The following CFAP299 variants were observed in gnomAD, a reference collection of about 807,000 sequenced individuals.
CFAP299 encodes the protein cilia and flagella associated protein 299, also known as cilia- and flagella-associated protein 299.
In CFAP299, 21 loss-of-function variants were observed where a neutral mutation model predicts 27.0. The observed-to-expected ratio is 0.78, with a 90% confidence interval of 0.55 to 1.12. The LOEUF (loss-of-function observed/expected upper bound fraction) is 1.12, where lower values mean the gene tolerates loss of function less well. Ranked by LOEUF, CFAP299 falls within the 50% of genes most tolerant of loss-of-function variation. The probability of loss-of-function intolerance (pLI) is 0.00; values close to 1 mark genes in which losing one functional copy is unlikely to be tolerated. For synonymous variants in CFAP299, 104 were observed against 98.1 expected, an observed-to-expected ratio of 1.06 and a Z score of -0.36; for missense variants, 310 against 276.6, an observed-to-expected ratio of 1.12 and a Z score of -0.86.
At chr4:80,511,021 A>G (rs188694899) in intron 2 of CFAP299, among the ~76,000 whole-genome samples, 1 of 152,292 alleles carries the variant, frequency 6.6e-6, no homozygotes, top group African/African-American at 2.4e-5. Context: ...ATTCAGATCC[A>G]ATAGGAGTTT....
intron 1 of CFAP299, among the ~76,000 whole-genome samples, chr4:80,347,296 A>G (rs536110198): frequency 1.3e-5 from 2 of 152,288 alleles, no homozygotes; most frequent in South Asian, 2.1e-4. Flanking sequence ...CCTGGCCAGA[A>G]CTTCTAACAC....
At chr4:80,826,062 ATGT>A (rs1223828458) in intron 3 of CFAP299, among the ~76,000 whole-genome samples, 2 of 151,894 alleles carry the variant, frequency 1.3e-5, no homozygotes, top group Non-Finnish European at 2.9e-5. Flanking sequence ...TAAAGGTGTA[ATGT>A]TGTGATAACG....
At chr4:80,912,880 T>C (rs1181453792) in intron 4 of CFAP299, among the ~76,000 whole-genome samples, 2 of 152,058 alleles carry the variant, frequency 1.3e-5, no homozygotes, top group African/African-American at 2.4e-5. Context: ...CCTAGAGTCT[T>C]GTTGTGGACC....
rs75419834 is a variant in CFAP299 at position 80,936,150 on chromosome 4, T to A, written c.477-8660T>A. On this transcript the variant is annotated intron_variant, in intron 4 of 5. Coordinates refer to ENST00000358105, the MANE Select transcript of CFAP299 (RefSeq NM_152770.3). Reference sequence around the variant, plus strand: ...TGCATCAACCTATCAAAGATGATGATGAGCTTGTGGAGAAATGGGAATGCA... The same window carrying A: ...TGCATCAACCTATCAAAGATGATGAAGAGCTTGTGGAGAAATGGGAATGCA... 6.1e-3 allele frequency among the ~76,000 whole-genome samples: 928 copies of A among 152,096 alleles called. 11 individuals are homozygous for A. Among genetic ancestry groups the A allele is most frequent in the African/African-American group, 0.021 (880 of 41,518 alleles).
chr4:80,367,899 T>G (rs1305121814), intron 2 of CFAP299, among the ~76,000 whole-genome samples: 2 of 152,222 alleles, frequency 1.3e-5, no homozygotes. Context: ...GGTGGAGAGA[T>G]GGAACTTCAA....
chr4:80,587,082 A>C (rs1736484983), intron 3 of CFAP299, among the ~76,000 whole-genome samples: 2 of 152,216 alleles, frequency 1.3e-5, no homozygotes, highest in Non-Finnish European at 2.9e-5. Context: ...CATTGTGCTG[A>C]CATGATCTTT....
chr4:80,752,762 C>T (rs1048548451), intron 3 of CFAP299, among the ~76,000 whole-genome samples: 3 of 151,666 alleles, frequency 2.0e-5, no homozygotes, highest in Non-Finnish European at 4.4e-5. Context: ...ATTTTATCTC[C>T]ACTATTGGCT....
At chr4:80,603,689 G>A (rs549970981) in intron 3 of CFAP299, among the ~76,000 whole-genome samples, 52 of 152,096 alleles carry the variant, frequency 3.4e-4, no homozygotes, top group Non-Finnish European at 6.0e-4. Flanking sequence ...AATTGATAGT[G>A]ACCTCAATTC....
intron 2 of CFAP299, among the ~76,000 whole-genome samples, chr4:80,367,872 T>C (rs922159698): frequency 6.6e-6 from 1 of 152,200 alleles, no homozygotes; most frequent in Admixed American, 6.5e-5. Context: ...AGTGAGAAGT[T>C]CAGCTGATTG....
intron 3 of CFAP299, among the ~76,000 whole-genome samples, chr4:80,679,971 C>A (rs1719734598): frequency 6.6e-6 from 1 of 151,996 alleles, no homozygotes; most frequent in African/African-American, 2.4e-5. Context: ...GGGAACACCC[C>A]ACATGTCATT....
At chr4:80,533,798 G>A (rs1367086439) in intron 2 of CFAP299, among the ~76,000 whole-genome samples, 2 of 152,098 alleles carry the variant, frequency 1.3e-5, no homozygotes, top group African/African-American at 4.8e-5. Flanking sequence ...GAAACCTTCT[G>A]CAGTGAAATA....
At chr4:80,821,358 A>T (rs551086920) in intron 3 of CFAP299, among the ~76,000 whole-genome samples, 1 of 152,312 alleles carries the variant, frequency 6.6e-6, no homozygotes, top group East Asian at 1.9e-4. Context: ...CTTCTTATTC[A>T]ACTATAGGTT....
At chr4:80,597,590 A>T (rs1436483698) in intron 3 of CFAP299, among the ~76,000 whole-genome samples, 2 of 152,196 alleles carry the variant, frequency 1.3e-5, no homozygotes, top group South Asian at 2.1e-4. Flanking sequence ...GCTGTTTAAG[A>T]TATCTTTGCT....
intron 4 of CFAP299, among the ~76,000 whole-genome samples, chr4:80,915,375 A>T (rs1420719207): frequency 6.6e-6 from 1 of 151,780 alleles, no homozygotes; most frequent in Non-Finnish European, 1.5e-5. Flanking sequence ...TTTTCTCTGC[A>T]TGTGAATGTC....
chr4:80,407,932 C>T (rs1252440250), intron 2 of CFAP299, among the ~76,000 whole-genome samples: 1 of 152,100 alleles, frequency 6.6e-6, no homozygotes, highest in East Asian at 1.9e-4. Flanking sequence ...TACTTTTTCA[C>T]CTAACATTTA....
intron 2 of CFAP299, among the ~76,000 whole-genome samples, chr4:80,433,405 A>G (rs905850085): frequency 1.3e-5 from 2 of 152,202 alleles, no homozygotes; most frequent in Admixed American, 1.3e-4. Flanking sequence ...AAAAAATAAG[A>G]AAGAGAAACA....
intron 2 of CFAP299, among the ~76,000 whole-genome samples, chr4:80,383,195 GA>G (rs1369608109): frequency 6.6e-6 from 1 of 152,042 alleles, no homozygotes; most frequent in African/African-American, 2.4e-5. Context: ...TGGAGGGTGG[GA>G]GGGGGAAGAG....
At chr4:80,824,786 C>G (rs1319145513) in intron 3 of CFAP299, among the ~76,000 whole-genome samples, 3 of 151,910 alleles carry the variant, frequency 2.0e-5, no homozygotes, top group Non-Finnish European at 4.4e-5. Flanking sequence ...AAAAACAAAA[C>G]CCCTGGGAAA....
At chr4:80,564,045 C>A (rs900380407) in intron 2 of CFAP299, among the ~76,000 whole-genome samples, 1 of 151,882 alleles carries the variant, frequency 6.6e-6, no homozygotes, top group African/African-American at 2.4e-5. Flanking sequence ...AATAAAAAAT[C>A]TCCTAGTAAA....
Sources: gnomAD v4.1 joint callset for allele counts (sites outside exome capture counted in the v4.1 genomes callset) on GRCh38, gnomAD v4.1.1 for gene constraint, MANE v1.5 for transcripts, NCBI Gene and HGNC (gene_info 2026-07-23, HGNC 2026-07-21) for gene names.